GABRG2: variants seen among roughly 807,000 people sequenced by gnomAD.
GABRG2 encodes the protein gamma-aminobutyric acid type A receptor subunit gamma2.
In GABRG2, 16 loss-of-function variants were observed where a neutral mutation model predicts 56.4. That is an observed-to-expected ratio of 0.28 (90% CI 0.19 to 0.43). The LOEUF (loss-of-function observed/expected upper bound fraction) is 0.43, where lower values mean the gene tolerates loss of function less well. GABRG2 is among the 20% of genes least tolerant of loss of function. GABRG2 has a pLI of 1.00. For synonymous variants in GABRG2, 208 were observed against 205.5 expected, an observed-to-expected ratio of 1.01 and a Z score of -0.10; for missense variants, 327 against 582.7, an observed-to-expected ratio of 0.56 and a Z score of 4.52.
intron 6 of GABRG2, among the ~76,000 whole-genome samples, chr5:162,107,395 AAGAG>A (rs745558887): frequency 2.0e-5 from 3 of 152,046 alleles, no homozygotes; most frequent in African/African-American, 7.2e-5. Flanking sequence ...TATGTTGAAA[AAGAG>A]AGAGAGAGAA....
Position 162,151,759 on chromosome 5 carries a change from A to T in GABRG2, c.1152+6A>T. On this transcript the variant is annotated splice_donor_region_variant and intron_variant, in intron 9 of 9. Coordinates refer to ENST00000639213, the MANE Select transcript of GABRG2 (RefSeq NM_198904.4). ...TTCGGATGTTTTCCTTCAAGGTATA[A>T]TGTTTTTGGAATGGAAATTCACTGC... 6.2e-7 allele frequency: 1 copy of T among 1,610,292 alleles called. No individual in the cohort carries two copies. The highest frequency in any genetic ancestry group is 8.5e-7 in the Non-Finnish European group (1 of 1,177,424).
intron 1 of GABRG2, among the ~76,000 whole-genome samples, chr5:162,080,924 G>C (rs1294892233): frequency 6.6e-6 from 1 of 152,076 alleles, no homozygotes; most frequent in Non-Finnish European, 1.5e-5. Flanking sequence ...TGTGTAAATA[G>C]ATTTGTTTTT....
chr5:162,152,524 A>G (rs767886201), intron 9 of GABRG2: 8 of 400,514 alleles, frequency 2.0e-5, no homozygotes, highest in South Asian at 1.4e-4. Flanking sequence ...GATGGTGAAT[A>G]TTAGAAAAAG....
At chr5:162,149,367 T>G in intron 8 of GABRG2, 54 bp downstream of exon 8, 4 of 1,550,678 alleles carry the variant, frequency 2.6e-6, no homozygotes, top group Non-Finnish European at 3.5e-6. Flanking sequence ...TCGGTTTAGT[T>G]TGTTTTCATT....
intron 1 of GABRG2, among the ~76,000 whole-genome samples, chr5:162,093,347 AGC>A (rs1470477190): frequency 6.6e-6 from 1 of 152,100 alleles, no homozygotes; most frequent in Non-Finnish European, 1.5e-5. Context: ...TGTTCAAGTT[AGC>A]GGGGAGAGGC....
chr5:162,117,477 G>C (rs1262132542), intron 6 of GABRG2, among the ~76,000 whole-genome samples: 2 of 151,954 alleles, frequency 1.3e-5, no homozygotes, highest in African/African-American at 2.4e-5. Context: ...TAACAGTCCT[G>C]TGTAAGAGGA....
chr5:162,142,864 C>A (rs768721362), intron 7 of GABRG2: 1 of 150,730 alleles, frequency 6.6e-6, no homozygotes, highest in Non-Finnish European at 1.4e-5. Flanking sequence ...CAAACCTGCA[C>A]GTTGTGCACA....
At chr5:162,134,424 G>A (rs993077613) in intron 6 of GABRG2, among the ~76,000 whole-genome samples, 2 of 152,056 alleles carry the variant, frequency 1.3e-5, no homozygotes, top group South Asian at 2.1e-4. Flanking sequence ...TGACATTAAC[G>A]TACCATCCTA....
At chr5:162,152,723 G>A in intron 9 of GABRG2, 1 of 497,916 alleles carries the variant, frequency 2.0e-6, no homozygotes, top group East Asian at 3.4e-5. Context: ...TTATTTCTCT[G>A]TTCCACTCAC....
Position 162,153,472 on chromosome 5 carries a change from T to G in GABRG2, c.*104T>G. 7.4e-7 allele frequency: 1 copy of G among 1,348,026 alleles called. No homozygotes were observed. Among genetic ancestry groups the G allele is most frequent in the Non-Finnish European group, 1.1e-6 (1 of 943,468 alleles). 83.5% of individuals were successfully genotyped at this position (1,348,026 alleles called of 1,614,324 possible). On this transcript the variant is annotated 3_prime_UTR_variant, in exon 10 of 10. Transcript: ENST00000639213. ...ATCCTCTATGTGGTTGATAATGATC[T>G]GAATCTGTTTCTATGTCCAAACCTG...
intron 1 of GABRG2, among the ~76,000 whole-genome samples, chr5:162,086,803 TA>T (rs1345005152): frequency 1.3e-5 from 2 of 152,102 alleles, no homozygotes; most frequent in East Asian, 3.9e-4. Flanking sequence ...TGTTGTACAA[TA>T]TTTCATTATG....
chr5:162,070,181 A>G (rs1357259479), intron 1 of GABRG2, among the ~76,000 whole-genome samples: 1 of 152,140 alleles, frequency 6.6e-6, no homozygotes, highest in Non-Finnish European at 1.5e-5. Context: ...GTACCAGACT[A>G]TCTTAGATGA....
At chr5:162,085,042 A>G (rs903527808) in intron 1 of GABRG2, among the ~76,000 whole-genome samples, 4 of 152,078 alleles carry the variant, frequency 2.6e-5, no homozygotes, top group East Asian at 1.9e-4. Context: ...GTTAGTGTGT[A>G]GTGTGCAAGA....
chr5:162,068,571 C>T lies in GABRG2; in HGVS notation c.107+465C>T, dbSNP rs148011709. On this transcript the variant is annotated intron_variant, in intron 1 of 9. Transcript: ENST00000639213. ...CGGCGGGCGGCCCTGTTCCTGTGTA[C>T]TAAGGCATCGCATGCTTCTGCACCT... Among the ~76,000 whole-genome samples the T allele has an allele frequency of 3.3e-5, 5 of 152,012 alleles. 1 individual carries two copies. The East Asian group carries it at 9.8e-4, about 30-fold the overall frequency.
intron 6 of GABRG2, among the ~76,000 whole-genome samples, chr5:162,113,489 C>T (rs1460170062): frequency 6.6e-6 from 1 of 152,032 alleles, no homozygotes; most frequent in Non-Finnish European, 1.5e-5. Flanking sequence ...ATTGTTTTGC[C>T]CATAAGCACT....
intron 6 of GABRG2, among the ~76,000 whole-genome samples, chr5:162,124,073 G>C (rs1763152631): frequency 6.6e-6 from 1 of 151,792 alleles, no homozygotes; most frequent in African/African-American, 2.4e-5. Flanking sequence ...AAATAAAGAA[G>C]CTTCCCCAGA....
chr5:162,102,253 C>T (rs1427501350), intron 5 of GABRG2: 1 of 214,302 alleles, frequency 4.7e-6, no homozygotes, highest in Non-Finnish European at 9.7e-6. Context: ...TCATGTTTTC[C>T]TGAATCCAAG....
At chr5:162,069,933 C>T (rs899585123) in intron 1 of GABRG2, among the ~76,000 whole-genome samples, 9 of 152,030 alleles carry the variant, frequency 5.9e-5, no homozygotes, top group African/African-American at 2.2e-4. Flanking sequence ...AGACAAGACA[C>T]AAGGGAATGT....
intron 6 of GABRG2, among the ~76,000 whole-genome samples, chr5:162,117,884 A>G (rs768926339): frequency 2.0e-5 from 3 of 152,042 alleles, no homozygotes; most frequent in Non-Finnish European, 2.9e-5. Flanking sequence ...GGTGATGATA[A>G]TGATGATGAT....
Sources: gnomAD v4.1 joint callset for allele counts (sites outside exome capture counted in the v4.1 genomes callset) on GRCh38, gnomAD v4.1.1 for gene constraint, MANE v1.5 for transcripts, NCBI Gene and HGNC (gene_info 2026-07-23, HGNC 2026-07-21) for gene names.